Variants in CCDC7 observed in about 807,000 individuals in gnomAD.
CCDC7 encodes coiled-coil domain-containing protein 7.
CCDC7 carries 183 observed loss-of-function variants against 196.9 expected under a neutral mutation model. That is an observed-to-expected ratio of 0.93 (90% CI 0.82 to 1.05). CCDC7 has a LOEUF of 1.05. CCDC7 is among the 50% of genes least tolerant of loss of function. CCDC7 has a pLI of 0.00. For missense variants in CCDC7, 1,540 were observed against 1,482.2 expected, an observed-to-expected ratio of 1.04 and a Z score of -0.64; for synonymous variants, 525 against 484.6, an observed-to-expected ratio of 1.08 and a Z score of -1.10.
chr10:32,653,661 A>C (rs2069200700), intron 20 of CCDC7, among the ~76,000 whole-genome samples: 1 of 152,152 alleles, frequency 6.6e-6, no homozygotes, highest in Non-Finnish European at 1.5e-5. Flanking sequence ...TATAGCTGAG[A>C]AAATGGGTGA....
At chr10:32,697,384 C>G (rs968987487) in intron 24 of CCDC7, among the ~76,000 whole-genome samples, 2 of 152,138 alleles carry the variant, frequency 1.3e-5, no homozygotes, top group Admixed American at 6.5e-5. Flanking sequence ...ATCGCCTCAC[C>G]CAGGAAGCAC....
intron 11 of CCDC7, among the ~76,000 whole-genome samples, chr10:32,537,348 A>AT (rs1388117352): frequency 1.3e-5 from 2 of 151,596 alleles, no homozygotes; most frequent in East Asian, 3.9e-4. Flanking sequence ...TAATGGAGTC[A>AT]TTTTTTCCTT....
At chr10:32,487,015 T>C (rs1341657228) in intron 8 of CCDC7, among the ~76,000 whole-genome samples, 1 of 152,138 alleles carries the variant, frequency 6.6e-6, no homozygotes, top group Non-Finnish European at 1.5e-5. Flanking sequence ...GTTCTCTGTG[T>C]TTCCTGAATT....
intron 18 of CCDC7, among the ~76,000 whole-genome samples, chr10:32,598,358 G>C (rs1209023524): frequency 1.3e-5 from 2 of 152,192 alleles, no homozygotes; most frequent in African/African-American, 4.8e-5. Context: ...TTGGAAAAGT[G>C]CAGTATCAGG....
At chr10:32,488,559 C>G (rs980907023) in intron 8 of CCDC7, among the ~76,000 whole-genome samples, 1 of 152,150 alleles carries the variant, frequency 6.6e-6, no homozygotes, top group South Asian at 2.1e-4. Flanking sequence ...GCAGAAATCA[C>G]CCGTCTTCTG....
At chr10:32,650,897 C>T (rs932781797) in intron 20 of CCDC7, among the ~76,000 whole-genome samples, 10 of 152,134 alleles carry the variant, frequency 6.6e-5, no homozygotes, top group Non-Finnish European at 1.3e-4. Flanking sequence ...CATTCTCTTA[C>T]GGGACAGTTA....
intron 24 of CCDC7, among the ~76,000 whole-genome samples, chr10:32,696,481 G>GTT (rs111280727): frequency 6.9e-6 from 1 of 145,754 alleles, no homozygotes. Context: ...CTTGTTTTCT[G>GTT]TTTTTTTTTT....
chr10:32,739,140 T>C (rs2085390900), intron 28 of CCDC7, among the ~76,000 whole-genome samples: 1 of 152,142 alleles, frequency 6.6e-6, no homozygotes, highest in South Asian at 2.1e-4. Flanking sequence ...GACCATTTTT[T>C]ATGTTCTCTG....
At chr10:32,510,136 A>T (rs1231111258) in intron 9 of CCDC7, among the ~76,000 whole-genome samples, 1 of 152,182 alleles carries the variant, frequency 6.6e-6, no homozygotes, top group African/African-American at 2.4e-5. Context: ...TCCATAATGG[A>T]TGAATGGATA....
chr10:32,826,664 T>C (rs563368555), intron 32 of CCDC7, among the ~76,000 whole-genome samples: 1 of 152,290 alleles, frequency 6.6e-6, no homozygotes, highest in East Asian at 1.9e-4. Context: ...GAGTTCCCTA[T>C]GATCAGTGGA....
chr10:32,817,343 G>T (rs980796721), intron 31 of CCDC7, among the ~76,000 whole-genome samples: 1 of 152,176 alleles, frequency 6.6e-6, no homozygotes, highest in African/African-American at 2.4e-5. Flanking sequence ...TACATGAAAA[G>T]ACCAAATCTA....
At chr10:32,847,980 C>T in intron 38 of CCDC7, 64 bp downstream of exon 39, 1 of 1,009,376 alleles carries the variant, frequency 9.9e-7, no homozygotes, top group South Asian at 1.5e-5. Context: ...AAGTATGAAT[C>T]TTTAATGATA....
At chr10:32,867,540 A>G (rs2094246510) in intron 41 of CCDC7, among the ~76,000 whole-genome samples, 2 of 151,374 alleles carry the variant, frequency 1.3e-5, no homozygotes, top group African/African-American at 4.8e-5. Context: ...TTGAATTGAT[A>G]GAAAAATCAA....
intron 13 of CCDC7, among the ~76,000 whole-genome samples, chr10:32,554,090 G>A (rs1444151834): frequency 2.6e-5 from 4 of 152,172 alleles, no homozygotes; most frequent in African/African-American, 9.7e-5. Context: ...CAGGTTGTCA[G>A]AGTTGTCCGG....
At chr10:32,597,038 G>T (rs186993556) in intron 18 of CCDC7, among the ~76,000 whole-genome samples, 1 of 152,094 alleles carries the variant, frequency 6.6e-6, no homozygotes, top group Admixed American at 6.6e-5. Flanking sequence ...TCTTTGTGGC[G>T]TTCTCTGTAT....
At chr10:32,677,415 A>G (rs1172361392) in intron 21 of CCDC7, among the ~76,000 whole-genome samples, 1 of 151,908 alleles carries the variant, frequency 6.6e-6, no homozygotes, top group Non-Finnish European at 1.5e-5. Context: ...AGGCTGGTCT[A>G]GTGTTGATTA....
chr10:32,843,429 CTG>C (rs1289566690), intron 33 of CCDC7, among the ~76,000 whole-genome samples: 1 of 151,958 alleles, frequency 6.6e-6, no homozygotes, highest in African/African-American at 2.4e-5. Flanking sequence ...CTAAAATTGA[CTG>C]TGGTCAGAGC....
At chr10:32,621,577 G>A (rs1181844718) in intron 18 of CCDC7, among the ~76,000 whole-genome samples, 1 of 152,100 alleles carries the variant, frequency 6.6e-6, no homozygotes, top group Non-Finnish European at 1.5e-5. Flanking sequence ...TCTGGGAAAG[G>A]CCATAGTGTA....
intron 20 of CCDC7, among the ~76,000 whole-genome samples, chr10:32,638,276 G>A (rs1485193904): frequency 1.2e-4 from 19 of 152,148 alleles, no homozygotes; most frequent in South Asian, 6.2e-4. Flanking sequence ...AGTTGAATAG[G>A]AGTCGTGAGA....
Sources: gnomAD v4.1 joint callset for allele counts (sites outside exome capture counted in the v4.1 genomes callset) on GRCh38, gnomAD v4.1.1 for gene constraint, MANE v1.5 for transcripts, NCBI Gene and HGNC (gene_info 2026-07-23, HGNC 2026-07-21) for gene names.